SLC24A2: variants seen among roughly 807,000 people sequenced by gnomAD.
SLC24A2 encodes the protein sodium/potassium/calcium exchanger 2.
SLC24A2 carries 36 observed loss-of-function variants against 62.0 expected under a neutral mutation model. That is an observed-to-expected ratio of 0.58 (90% CI 0.44 to 0.77). SLC24A2 has a LOEUF of 0.77. Ranked by LOEUF, SLC24A2 falls within the 30% of genes least tolerant of loss-of-function variation. The pLI, the probability that SLC24A2 is intolerant of heterozygous loss-of-function variation, is 0.00. For synonymous variants in SLC24A2, 358 were observed against 294.0 expected (o/e 1.22, Z -2.23); for missense variants, 846 against 817.9 (o/e 1.03, Z -0.42).
chr9:19,896,923 T>C, the SLC24A2 span, among the ~76,000 whole-genome samples: 1 of 152,250 alleles, frequency 6.6e-6, no homozygotes, highest in Non-Finnish European at 1.5e-5. Flanking sequence ...TTAAAGTGTC[T>C]AATTTAAGAG....
the SLC24A2 span, among the ~76,000 whole-genome samples, chr9:20,225,075 G>A: frequency 6.6e-6 from 1 of 152,080 alleles, no homozygotes; most frequent in Admixed American, 6.6e-5. Context: ...ATTCTGTCCT[G>A]CTCCTCTTTC....
At chr9:19,532,913 G>C (rs1479431884) in intron 8 of SLC24A2, among the ~76,000 whole-genome samples, 3 of 152,182 alleles carry the variant, frequency 2.0e-5, no homozygotes, top group South Asian at 4.1e-4. Context: ...TTAGTCATGA[G>C]AGAAGATAAC....
intron 3 of SLC24A2, among the ~76,000 whole-genome samples, chr9:19,621,522 G>A (rs974204548): frequency 2.0e-5 from 3 of 152,068 alleles, no homozygotes; most frequent in African/African-American, 4.8e-5. Flanking sequence ...AGATGATTAC[G>A]GTTCAAAACA....
chr9:19,524,543 G>T (rs1178292712), intron 9 of SLC24A2, among the ~76,000 whole-genome samples: 3 of 151,834 alleles, frequency 2.0e-5, no homozygotes, highest in African/African-American at 7.3e-5. Context: ...GATAACAAAA[G>T]AGTTGAACAC....
the SLC24A2 span, among the ~76,000 whole-genome samples, chr9:20,179,090 A>G: frequency 3.3e-5 from 5 of 151,980 alleles, no homozygotes; most frequent in Non-Finnish European, 7.4e-5. Flanking sequence ...CTATCCCCTC[A>G]TTTCCCACCA....
chr9:20,033,613 C>T, the SLC24A2 span, among the ~76,000 whole-genome samples: 6 of 152,206 alleles, frequency 3.9e-5, no homozygotes, highest in Admixed American at 6.5e-5. Flanking sequence ...ATCAAGGTTA[C>T]GATGATATGC....
intron 2 of SLC24A2, among the ~76,000 whole-genome samples, chr9:19,782,672 T>G (rs1823050909): frequency 6.6e-6 from 1 of 152,162 alleles, no homozygotes; most frequent in Non-Finnish European, 1.5e-5. Context: ...TCCAACTCAT[T>G]TTTCACTTAA....
At chr9:20,205,465 A>G in the SLC24A2 span, among the ~76,000 whole-genome samples, 33,022 of 151,616 alleles carry the variant, frequency 0.22, 4,583 homozygotes, top group East Asian at 0.65. Context: ...TGGTTAATAC[A>G]GTGAAACACC....
At chr9:19,998,912 T>C in the SLC24A2 span, among the ~76,000 whole-genome samples, 1 of 152,202 alleles carries the variant, frequency 6.6e-6, no homozygotes, top group Admixed American at 6.5e-5. Context: ...CTATTTGTTC[T>C]AAAGCCACCC....
the SLC24A2 span, among the ~76,000 whole-genome samples, chr9:20,087,553 C>G: frequency 6.6e-6 from 1 of 152,174 alleles, no homozygotes; most frequent in East Asian, 1.9e-4. Context: ...TATTTCCTCT[C>G]TCTACCATGA....
chr9:19,541,911 C>T (rs1178802649), intron 8 of SLC24A2, among the ~76,000 whole-genome samples: 4 of 152,146 alleles, frequency 2.6e-5, no homozygotes, highest in African/African-American at 7.2e-5. Flanking sequence ...TCTCCTGGTG[C>T]GCCGTTTTTC....
intron 8 of SLC24A2, among the ~76,000 whole-genome samples, chr9:19,546,072 G>T (rs929004177): frequency 6.6e-6 from 1 of 152,288 alleles, no homozygotes; most frequent in African/African-American, 2.4e-5. Context: ...GTTTCCTCTG[G>T]AACCTTTGTC....
At chr9:20,144,174 C>G in the SLC24A2 span, among the ~76,000 whole-genome samples, 1 of 152,204 alleles carries the variant, frequency 6.6e-6, no homozygotes, top group Non-Finnish European at 1.5e-5. Flanking sequence ...CTTGGACCCT[C>G]TATGAAAACC....
the SLC24A2 span, among the ~76,000 whole-genome samples, chr9:20,129,621 A>C: frequency 6.6e-6 from 1 of 152,118 alleles, no homozygotes; most frequent in Non-Finnish European, 1.5e-5. Context: ...GCACTGATAC[A>C]TGCTACAACA....
At chr9:19,615,114 A>G (rs1001518030) in intron 4 of SLC24A2, among the ~76,000 whole-genome samples, 5 of 152,186 alleles carry the variant, frequency 3.3e-5, no homozygotes, top group African/African-American at 1.2e-4. Flanking sequence ...GGCTTTTGGC[A>G]AGGGCTCATT....
chr9:20,164,875 A>G, the SLC24A2 span, among the ~76,000 whole-genome samples: 1 of 151,376 alleles, frequency 6.6e-6, no homozygotes, highest in Non-Finnish European at 1.5e-5. Context: ...TCAGTAAACT[A>G]TCGCAAGAAC....
intron 2 of SLC24A2, among the ~76,000 whole-genome samples, chr9:19,758,162 C>T (rs998327827): frequency 1.3e-5 from 2 of 152,078 alleles, no homozygotes; most frequent in Non-Finnish European, 2.9e-5. Flanking sequence ...TTGATCACTG[C>T]GTCTATGCTA....
At chr9:19,677,480 T>C (rs894233860) in intron 2 of SLC24A2, among the ~76,000 whole-genome samples, 1 of 152,132 alleles carries the variant, frequency 6.6e-6, no homozygotes, top group Non-Finnish European at 1.5e-5. Context: ...AACTAATAGG[T>C]ACCAGGTTTA....
chr9:20,249,006 G>A, the SLC24A2 span, among the ~76,000 whole-genome samples: 1 of 152,308 alleles, frequency 6.6e-6, no homozygotes, highest in South Asian at 2.1e-4. Flanking sequence ...GGACACAGCA[G>A]AGGCTCAGGC....
Sources: allele counts gnomAD v4.1 joint callset (sites outside exome capture counted in the v4.1 genomes callset), GRCh38; gene constraint gnomAD v4.1.1; transcripts MANE v1.5; gene names NCBI Gene and HGNC (gene_info 2026-07-23, HGNC 2026-07-21).